Variants in AGBL1 observed in about 807,000 individuals in gnomAD.
AGBL1 encodes the protein cytosolic carboxypeptidase 4.
In AGBL1, 130 loss-of-function variants were observed where a neutral mutation model predicts 118.9. The ratio of observed to expected loss-of-function variants is 1.09; its 90% CI spans 0.95 to 1.26. The LOEUF is 1.26. AGBL1 is among the 50% of genes most tolerant of loss of function. The pLI is 0.00. For missense variants in AGBL1, 1,584 were observed against 1,298.1 expected (o/e 1.22, Z -3.38); for synonymous variants, 555 against 478.9 (o/e 1.16, Z -2.08).
intron 24 of AGBL1, among the ~76,000 whole-genome samples, chr15:87,006,387 A>G (rs2081503909): frequency 6.6e-6 from 1 of 152,156 alleles, no homozygotes; most frequent in South Asian, 2.1e-4. Context: ...AAGCCTCAGC[A>G]ATGGTGGGTG....
intron 22 of AGBL1, among the ~76,000 whole-genome samples, chr15:86,704,555 G>A (rs1284144219): frequency 1.7e-4 from 26 of 152,172 alleles, no homozygotes; most frequent in Admixed American, 1.7e-3. Context: ...CTGGTCATTA[G>A]AGAAACGCAA....
chr15:86,808,030 C>A (rs931134219), intron 22 of AGBL1, among the ~76,000 whole-genome samples: 7 of 152,006 alleles, frequency 4.6e-5, no homozygotes, highest in African/African-American at 1.7e-4. Context: ...ATAATACCAA[C>A]CTTGATGAGT....
At chr15:86,220,361 C>T (rs190302289) in intron 5 of AGBL1, among the ~76,000 whole-genome samples, 187 of 152,204 alleles carry the variant, frequency 1.2e-3, no homozygotes, top group African/African-American at 4.3e-3. Flanking sequence ...CTAGCATTCC[C>T]GTGAAGATCA....
rs547195192 is a variant in AGBL1 at position 86,528,181 on chromosome 15, T to C, written c.2685+5242T>C. Among the ~76,000 whole-genome samples, 214 of 152,290 alleles carry C rather than the reference T, an allele frequency of 1.4e-3. 2 individuals are homozygous for C. Among genetic ancestry groups the C allele is most frequent in the African/African-American group, 4.8e-3 (199 of 41,562 alleles). ...ACGCAGAAGACGGGTGATTTCTGCA[T>C]TTCCATCTGAGGTACCGGGTTCATC... On this transcript the variant is annotated intron_variant, in intron 19 of 22. Coordinates refer to ENST00000614907, the MANE Select transcript of AGBL1 (RefSeq NM_001386094.1).
In AGBL1 at chr15:87,028,193, A is replaced by T. The variant is rs773470716; in HGVS notation, c.3324-632A>T. 5.9e-5 allele frequency among the ~76,000 whole-genome samples: 9 copies of T among 151,996 alleles called. No homozygotes were observed. In the South Asian group the frequency reaches 1.2e-3, roughly 21 times the overall value. ...CTTATTGATCAACCTCATAATATTC[A>T]ATGCAGTAAGTTGTGAGATTTCTCT... On this transcript the variant is annotated intron_variant, in intron 24 of 24. Coordinates refer to the AGBL1 transcript ENST00000441037.
At chr15:86,470,158 T>C (rs1027213775) in intron 18 of AGBL1, among the ~76,000 whole-genome samples, 4 of 152,194 alleles carry the variant, frequency 2.6e-5, no homozygotes, top group Non-Finnish European at 5.9e-5. Flanking sequence ...AGACTAATGT[T>C]AATAAGTTTT....
At chr15:86,364,980 T>TATACACACACAC (rs2080861457) in intron 17 of AGBL1, among the ~76,000 whole-genome samples, 6 of 83,292 alleles carry the variant, frequency 7.2e-5, no homozygotes, top group African/African-American at 2.4e-4. Flanking sequence ...TATATATATA[T>TATACACACACAC]ATATATATAC....
At chr15:86,217,092 A>G (rs1435523938) in intron 5 of AGBL1, among the ~76,000 whole-genome samples, 1 of 152,128 alleles carries the variant, frequency 6.6e-6, no homozygotes, top group Non-Finnish European at 1.5e-5. Context: ...TGATCTCTTT[A>G]CCTTGTTGTT....
intron 19 of AGBL1, among the ~76,000 whole-genome samples, chr15:86,545,523 G>A (rs1470279197): frequency 6.6e-6 from 1 of 151,976 alleles, no homozygotes; most frequent in Non-Finnish European, 1.5e-5. Flanking sequence ...GTACCCATTA[G>A]TTATTTTTCC....
intron 5 of AGBL1, among the ~76,000 whole-genome samples, chr15:86,184,454 A>G (rs1225597154): frequency 7.0e-6 from 1 of 143,418 alleles, no homozygotes; most frequent in Admixed American, 7.0e-5. Flanking sequence ...TTTTTGTCTC[A>G]AGAGGGCAAA....
At chr15:86,204,194 G>C (rs2077952827) in intron 5 of AGBL1, among the ~76,000 whole-genome samples, 1 of 152,148 alleles carries the variant, frequency 6.6e-6, no homozygotes, top group Non-Finnish European at 1.5e-5. Context: ...TATGCTTTCT[G>C]TGTCCCAATA....
intron 21 of AGBL1, among the ~76,000 whole-genome samples, chr15:86,637,651 T>C (rs996515525): frequency 1.3e-4 from 20 of 152,058 alleles, no homozygotes; most frequent in Admixed American, 1.1e-3. Context: ...CAGGGAAAGA[T>C]GGTGGCTTGG....
intron 24 of AGBL1, among the ~76,000 whole-genome samples, chr15:87,009,690 C>A (rs916671896): frequency 2.0e-5 from 3 of 152,182 alleles, no homozygotes; most frequent in African/African-American, 7.2e-5. Flanking sequence ...CCCTGTGAAG[C>A]CACAGGGGCA....
At chr15:86,888,687 T>G (rs2080007190) in intron 22 of AGBL1, among the ~76,000 whole-genome samples, 1 of 152,148 alleles carries the variant, frequency 6.6e-6, no homozygotes, top group Admixed American at 6.6e-5. Context: ...GCCTTACCCT[T>G]CATTTCCTTA....
intron 24 of AGBL1, chr15:86,988,131 G>C (rs753452644): frequency 6.3e-7 from 1 of 1,597,748 alleles, no homozygotes; most frequent in African/African-American, 1.3e-5. Context: ...TTGGGGCGGG[G>C]ATTGCTGGAT....
At chr15:86,205,593 T>C (rs1045947468) in intron 5 of AGBL1, among the ~76,000 whole-genome samples, 2 of 152,254 alleles carry the variant, frequency 1.3e-5, no homozygotes, top group African/African-American at 4.8e-5. Context: ...AGAATTCCTG[T>C]TGCTCCATCC....
At chr15:86,834,170 G>A (rs1232272846) in intron 22 of AGBL1, among the ~76,000 whole-genome samples, 1 of 152,132 alleles carries the variant, frequency 6.6e-6, no homozygotes, top group Non-Finnish European at 1.5e-5. Context: ...ATCTGTTTGT[G>A]CTTCTGTACC....
At chr15:86,540,006 TG>T (rs1217046335) in intron 19 of AGBL1, among the ~76,000 whole-genome samples, 2 of 152,328 alleles carry the variant, frequency 1.3e-5, no homozygotes, top group Admixed American at 1.3e-4. Context: ...TAGGGCAAAC[TG>T]GGGCTCCAAT....
At chr15:86,680,781 G>C (rs572350711) in intron 22 of AGBL1, among the ~76,000 whole-genome samples, 3 of 151,626 alleles carry the variant, frequency 2.0e-5, no homozygotes, top group African/African-American at 7.3e-5. Flanking sequence ...TGGCCAGGTT[G>C]GTTTTGAACT....
Sources: allele counts gnomAD v4.1 joint callset (sites outside exome capture counted in the v4.1 genomes callset), GRCh38; gene constraint gnomAD v4.1.1; transcripts MANE v1.5; gene names NCBI Gene and HGNC (gene_info 2026-07-23, HGNC 2026-07-21).